Variants in PDE1A observed in about 807,000 individuals in gnomAD.
PDE1A encodes the protein phosphodiesterase 1A.
Under a neutral mutation model 61.7 loss-of-function variants are expected in PDE1A, and 35 were observed. The ratio of observed to expected loss-of-function variants is 0.57; its 90% CI spans 0.43 to 0.75. The LOEUF (loss-of-function observed/expected upper bound fraction) is 0.75. Ranked by LOEUF, PDE1A falls within the 30% of genes least tolerant of loss-of-function variation. The pLI is 0.00. For missense variants in PDE1A, 597 were observed against 630.6 expected (o/e 0.95, Z 0.57); for synonymous variants, 232 against 213.2 (o/e 1.09, Z -0.77).
At chr2:182,390,493 C>T (rs1322052120) in intron 1 of PDE1A, among the ~76,000 whole-genome samples, 1 of 152,160 alleles carries the variant, frequency 6.6e-6, no homozygotes, top group Non-Finnish European at 1.5e-5. Flanking sequence ...CTCCTAAGTT[C>T]ACTGGATAAA....
At chr2:182,562,456 C>A in the PDE1A span, among the ~76,000 whole-genome samples, 2 of 150,928 alleles carry the variant, frequency 1.3e-5, no homozygotes, top group Non-Finnish European at 3.0e-5. Flanking sequence ...ATTCGGTTTG[C>A]CAGTATTTTA....
chr2:182,431,544 T>A (rs1703951920), upstream of PDE1A, among the ~76,000 whole-genome samples: 1 of 152,104 alleles, frequency 6.6e-6, no homozygotes, highest in Non-Finnish European at 1.5e-5. Flanking sequence ...TATAAGTGAG[T>A]GACAGTAGAA....
intron 13 of PDE1A, among the ~76,000 whole-genome samples, chr2:182,180,006 C>T (rs1232118809): frequency 1.3e-5 from 2 of 152,110 alleles, no homozygotes; most frequent in Non-Finnish European, 2.9e-5. Flanking sequence ...AATTAATATT[C>T]CAAAGCTCTA....
At chr2:182,232,639 T>C (rs1446204858) in intron 4 of PDE1A, among the ~76,000 whole-genome samples, 1 of 152,230 alleles carries the variant, frequency 6.6e-6, no homozygotes, top group African/African-American at 2.4e-5. Context: ...TGGCCCTTAT[T>C]TGATCCCCAA....
chr2:182,521,569 G>A (rs1690570931), intron 2 of PDE1A, among the ~76,000 whole-genome samples: 1 of 151,998 alleles, frequency 6.6e-6, no homozygotes, highest in Non-Finnish European at 1.5e-5. Flanking sequence ...AAATGTAAGG[G>A]TGTAAATATC....
intron 1 of PDE1A, among the ~76,000 whole-genome samples, chr2:182,299,034 C>T (rs1160055533): frequency 6.6e-6 from 1 of 152,022 alleles, no homozygotes; most frequent in Non-Finnish European, 1.5e-5. Context: ...AAAGCTAGGT[C>T]CCCTTGTAGA....
the PDE1A span, among the ~76,000 whole-genome samples, chr2:182,571,238 T>C: frequency 6.6e-6 from 1 of 152,334 alleles, no homozygotes; most frequent in East Asian, 1.9e-4. Context: ...TTTAAGATCA[T>C]GTTTTTCATA....
At chr2:182,450,286 GAA>G (rs1260909509) in intron 2 of PDE1A, among the ~76,000 whole-genome samples, 2 of 152,054 alleles carry the variant, frequency 1.3e-5, no homozygotes, top group Non-Finnish European at 2.9e-5. Context: ...TAACCAGAGA[GAA>G]AGAGAGAATG....
chr2:182,564,399 T>C, the PDE1A span, among the ~76,000 whole-genome samples: 2 of 152,226 alleles, frequency 1.3e-5, no homozygotes, highest in East Asian at 3.8e-4. Context: ...CTCTTCTGGC[T>C]TGTAGAGTTT....
intron 2 of PDE1A, among the ~76,000 whole-genome samples, chr2:182,448,503 G>A (rs986790176): frequency 6.6e-6 from 1 of 151,894 alleles, no homozygotes; most frequent in African/African-American, 2.4e-5. Context: ...AGAAATGTTG[G>A]GTTATGGACC....
At chr2:182,194,968 T>C (rs1574644870) in intron 10 of PDE1A, among the ~76,000 whole-genome samples, 1 of 146,264 alleles carries the variant, frequency 6.8e-6, no homozygotes, top group African/African-American at 2.6e-5. Flanking sequence ...ATCAGCTCTT[T>C]CCTTTGCTAC....
rs1224438963 is a variant in PDE1A, at chr2:182,405,691, T to C, written c.53+20887A>G. Among the ~76,000 whole-genome samples the C allele has an allele frequency of 2.0e-5, 3 of 152,120 alleles. No homozygotes were observed. In the East Asian group the frequency reaches 5.8e-4, roughly 29 times the overall value. On this transcript the variant is annotated intron_variant, in intron 1 of 13. Coordinates refer to ENST00000351439, the Ensembl canonical transcript of PDE1A. The stretch of plus-strand genomic sequence containing the variant: ...GTTTGAGTTAGACAAAAGGAATACA[T>C]TTTTTAAGACCTTCTGCATAGCATA...
the PDE1A span, among the ~76,000 whole-genome samples, chr2:182,572,191 G>A: frequency 6.6e-6 from 1 of 152,282 alleles, no homozygotes; most frequent in South Asian, 2.1e-4. Context: ...TTAGGAGTGT[G>A]TTTTATGTGC....
At chr2:182,433,667 A>C (rs965917919) in intron 2 of PDE1A, among the ~76,000 whole-genome samples, 1 of 152,034 alleles carries the variant, frequency 6.6e-6, no homozygotes, top group Admixed American at 6.6e-5. Context: ...ATACATTATC[A>C]CTATATATGA....
At chr2:182,181,666 C>T (rs1360984701) in intron 13 of PDE1A, among the ~76,000 whole-genome samples, 1 of 152,210 alleles carries the variant, frequency 6.6e-6, no homozygotes, top group Non-Finnish European at 1.5e-5. Context: ...GCTGACCCTG[C>T]GACTGCAGCT....
At chr2:182,441,278 A>G (rs923136058) in intron 2 of PDE1A, among the ~76,000 whole-genome samples, 2 of 152,068 alleles carry the variant, frequency 1.3e-5, no homozygotes, top group Admixed American at 1.3e-4. Context: ...TCAAGGTGAG[A>G]TTTGGGTGGG....
intron 1 of PDE1A, among the ~76,000 whole-genome samples, chr2:182,293,312 A>G (rs547637564): frequency 9.2e-5 from 14 of 152,274 alleles, no homozygotes; most frequent in African/African-American, 3.1e-4. Context: ...TAAAACTTAC[A>G]TTCAAGAAAA....
the PDE1A span, among the ~76,000 whole-genome samples, chr2:182,619,255 T>C: frequency 2.0e-5 from 3 of 152,174 alleles, no homozygotes; most frequent in African/African-American, 7.2e-5. Flanking sequence ...ATAGAAAATT[T>C]ACAACACTAT....
chr2:182,217,238 C>G (rs1688264878), intron 7 of PDE1A, among the ~76,000 whole-genome samples: 1 of 93,904 alleles, frequency 1.1e-5, no homozygotes, highest in Non-Finnish European at 2.1e-5. Context: ...AAACTGGATC[C>G]CTTCCTTATA....
Sources: allele counts gnomAD v4.1 joint callset (sites outside exome capture counted in the v4.1 genomes callset), GRCh38; gene constraint gnomAD v4.1.1; transcripts MANE v1.5; gene names NCBI Gene and HGNC (gene_info 2026-07-23, HGNC 2026-07-21).